The following ITPR3 variants were observed in gnomAD, a reference collection of about 807,000 sequenced individuals.
ITPR3 encodes inositol 1,4,5-trisphosphate-gated calcium channel ITPR3.
A neutral mutation model predicts 293.2 loss-of-function variants in ITPR3; 173 were observed. That is an observed-to-expected ratio of 0.59 (90% confidence interval 0.52 to 0.67). The LOEUF is 0.67. ITPR3 is among the 30% of genes least tolerant of loss of function. The probability of loss-of-function intolerance (pLI) is 0.00; values close to 1 mark genes in which losing one functional copy is unlikely to be tolerated. For missense variants in ITPR3, 2,796 were observed against 3,592.1 expected, an observed-to-expected ratio of 0.78 and a Z score of 5.66; for synonymous variants, 1,295 against 1,444.4, an observed-to-expected ratio of 0.90 and a Z score of 2.35.
intron 2 of ITPR3, among the ~76,000 whole-genome samples, chr6:33,653,863 A>T (rs1764247576): frequency 6.6e-6 from 1 of 152,176 alleles, no homozygotes; most frequent in Non-Finnish European, 1.5e-5. Flanking sequence ...CCTGCCTCTA[A>T]CAAGGCACTG....
intron 1 of ITPR3, among the ~76,000 whole-genome samples, chr6:33,639,752 G>C (rs1375105209): frequency 6.6e-6 from 1 of 152,028 alleles, no homozygotes; most frequent in Non-Finnish European, 1.5e-5. Context: ...ATGGATGATT[G>C]GGGGCTGGGT....
intron 2 of ITPR3, among the ~76,000 whole-genome samples, chr6:33,644,457 G>T (rs1764020502): frequency 6.6e-6 from 1 of 151,846 alleles, no homozygotes; most frequent in Non-Finnish European, 1.5e-5. Context: ...TAACATAGCT[G>T]TAGCCGAAGC....
In ITPR3 at chr6:33,670,738, G is replaced by C. The variant is rs761733168; in HGVS notation, c.2509G>C (p.Val837Leu). 7.8e-5 allele frequency: 126 copies of C among 1,614,056 alleles called. No homozygotes were observed. The highest frequency in any genetic ancestry group is 1.0e-4 in the Non-Finnish European group (122 of 1,180,038). Reference sequence around the variant, plus strand: ...CAAGTTTGCCAACACCATGGAGTTCGTGGAGGACTACCTCAACAATGTAGT... The same window carrying C: ...CAAGTTTGCCAACACCATGGAGTTCCTGGAGGACTACCTCAACAATGTAGT... The part of the protein sequence containing the change: ...KNKFANTMEF[V>L]EDYLNNVVSE... The change falls in exon 20 of 58, where the codon GTG becomes CTG. Residue 837 changes from valine to leucine, a missense_variant. Val to Leu is a conservative substitution (Grantham distance 32). Around this residue, in one of 8 missense-constraint regions of ITPR3, gnomAD observed 955 missense variants for 1,180.8 expected, o/e 0.81. Coordinates refer to ENST00000605930, the MANE Select transcript of ITPR3 (RefSeq NM_002224.4). The surrounding 1 kb of genome is among the most constrained non-coding windows in gnomAD (Gnocchi z 6.7).
In ITPR3 at chr6:33,667,235, T is replaced by G. The variant is rs563727906; in HGVS notation, c.1658T>G (p.Phe553Cys). 1 of 1,613,798 alleles carries G rather than the reference T, an allele frequency of 6.2e-7. No individual in the cohort carries two copies. The highest frequency in any genetic ancestry group is 2.2e-5 in the East Asian group (1 of 44,886). The change falls in exon 15 of 58, where the codon TTC becomes TGC. Residue 553 changes from phenylalanine to cysteine, a missense_variant. This residue lies in a region of ITPR3 where 955 missense variants were observed against 1,180.8 expected (regional missense o/e 0.81). Transcript: ENST00000605930. This position sits in a 1 kb window ranked among gnomAD's most constrained non-coding sequence, Gnocchi z 4.4. The part of the protein sequence containing the change: ...DQKNAPYQHM[F>C]RLCYRVLRHS... Reference sequence around the variant, plus strand: ...AAGAACGCCCCCTACCAGCACATGTTCCGCCTGTGCTACCGCGTGTTGCGG... The same window carrying G: ...AAGAACGCCCCCTACCAGCACATGTGCCGCCTGTGCTACCGCGTGTTGCGG...
In ITPR3 at chr6:33,672,808, C is replaced by T. The variant is rs1435569383; in HGVS notation, c.2928+580C>T. On this transcript the variant is annotated intron_variant, in intron 22 of 57. Transcript: ENST00000605930. This position sits in a 1 kb window ranked among gnomAD's most constrained non-coding sequence, Gnocchi z 5.0. The stretch of plus-strand genomic sequence containing the variant: ...AGGTCACAGGGATTTTGAAGCAGAG[C>T]TAGAGATTTAAGAACCTATTTCTTG... Among the ~76,000 whole-genome samples, 1 of 152,092 alleles carries T rather than the reference C, an allele frequency of 6.6e-6. No homozygotes were observed. Among genetic ancestry groups the T allele is most frequent in the Non-Finnish European group, 1.5e-5 (1 of 68,024 alleles).
At position 33,675,708 on chromosome 6, in the gene ITPR3, T is replaced by C. The variant is rs1764887186; in HGVS notation, c.3134T>C (p.Leu1045Pro). 4 of 1,606,550 alleles carry C rather than the reference T, an allele frequency of 2.5e-6. No individual in the cohort carries two copies. The highest frequency in any genetic ancestry group is 1.7e-5 in the Admixed American group (1 of 59,616). Reference protein sequence around the residue: ...MFGVGKTSSMLEVDDEGGRMF... With the variant: ...MFGVGKTSSMPEVDDEGGRMF... ...GCCCGCAGGAAGACAAGCAGCATGC[T>C]GGAGGTGGATGACGAGGGCGGCCGC... Residue 1045 changes from leucine to proline, a missense_variant, in exon 25 of 58, where the codon CTG becomes CCG. By Grantham distance (98) the Leu-to-Pro change is moderately conservative (BLOSUM62 -3). Coordinates refer to ENST00000605930, the MANE Select transcript of ITPR3 (RefSeq NM_002224.4). This position sits in a 1 kb window ranked among gnomAD's most constrained non-coding sequence, Gnocchi z 5.0.
chr6:33,688,878 A>T (rs1419242193), intron 49 of ITPR3, 97 bp downstream of exon 49: 7 of 1,498,476 alleles, frequency 4.7e-6, no homozygotes, highest in Non-Finnish European at 6.5e-6. Context: ...CTCTGAGGGC[A>T]CCAGATGCAG....
intron 24 of ITPR3, among the ~76,000 whole-genome samples, chr6:33,674,700 T>C (rs1156885601): frequency 6.6e-6 from 1 of 152,230 alleles, no homozygotes; most frequent in African/African-American, 2.4e-5. Context: ...ATGGACTGCT[T>C]TTCAGAATGG....
intron 49 of ITPR3, 147 bp downstream of exon 49, chr6:33,688,928 C>T (rs1241064055): frequency 1.7e-5 from 19 of 1,144,236 alleles, no homozygotes; most frequent in Non-Finnish European, 2.1e-5. Flanking sequence ...TGTGGGCTCT[C>T]GCCCCATCAT....
intron 11 of ITPR3, 116 bp downstream of exon 11, chr6:33,663,996 G>A: frequency 1.5e-6 from 2 of 1,314,584 alleles, no homozygotes; most frequent in Admixed American, 2.1e-5. Flanking sequence ...TTTAGCCTCT[G>A]GGGTCTCTGT....
chr6:33,692,746 C>G lies in ITPR3; in HGVS notation c.7477C>G (p.Arg2493Gly). Residue 2493 changes from arginine to glycine, a missense_variant, in exon 55 of 58, where the codon CGA becomes GGA. Arg to Gly is a moderately radical substitution (Grantham distance 125, BLOSUM62 -2). This residue lies in a region of ITPR3 where 568 missense variants were observed against 796.1 expected (regional missense o/e 0.71). Transcript: ENST00000605930. This position sits in a 1 kb window ranked among gnomAD's most constrained non-coding sequence, Gnocchi z 4.2. ...PSKDESLFPA[R>G]VVYDLLFFFI... is the part of the protein sequence containing the mutation. Reference sequence around the variant, plus strand: ...CCTGCAGGAGTCTCTCTTCCCAGCCCGAGTGGTCTATGACCTCCTGTTCTT... The same window carrying G: ...CCTGCAGGAGTCTCTCTTCCCAGCCGGAGTGGTCTATGACCTCCTGTTCTT... The G allele has an allele frequency of 1.2e-6, 2 of 1,614,050 alleles. No homozygotes were observed. Among genetic ancestry groups the G allele is most frequent in the Non-Finnish European group, 1.7e-6 (2 of 1,179,964 alleles).
chr6:33,685,586 T>C, intron 40 of ITPR3, 53 bp downstream of exon 40: 4 of 1,594,306 alleles, frequency 2.5e-6, no homozygotes, highest in Admixed American at 3.4e-5. Context: ...GGATAAGATG[T>C]GCAGGGGGGT....
chr6:33,659,138 A>G lies in ITPR3; in HGVS notation c.627+19A>G, dbSNP rs762247851. 1 of 1,608,986 alleles carries G rather than the reference A, an allele frequency of 6.2e-7. No individual in the cohort carries two copies. The highest frequency in any genetic ancestry group is 8.5e-7 in the Non-Finnish European group (1 of 1,176,098). On this transcript the variant is annotated intron_variant, in intron 6 of 57. Coordinates refer to ENST00000605930, the MANE Select transcript of ITPR3 (RefSeq NM_002224.4). ...CAAGGAGGTGAGGGGGTGGGGGGTC[A>G]GCCATGCAGTGCAGGGACGTCCACA...
chr6:33,669,186 T>C (rs918297424), intron 18 of ITPR3, 30 bp downstream of exon 18: 2 of 1,602,342 alleles, frequency 1.2e-6, no homozygotes, highest in Non-Finnish European at 1.7e-6. Flanking sequence ...CCCCTCCCTC[T>C]TCCTGTGCCT....
chr6:33,658,836 C>G lies in ITPR3; in HGVS notation c.528+8C>G, dbSNP rs769804541. The G allele has an allele frequency of 6.2e-7, 1 of 1,613,874 alleles. No individual in the cohort carries two copies. The highest frequency in any genetic ancestry group is 1.1e-5 in the South Asian group (1 of 91,044). ...CGGAGCAACGGGGACAACGTGAGGG[C>G]AGGGCCAGGGTTGGAGGGGCCTGGT... On this transcript the variant is annotated splice_region_variant and intron_variant, in intron 5 of 57. Transcript: ENST00000605930. The surrounding 1 kb of genome is among the most constrained non-coding windows in gnomAD (Gnocchi z 6.1).
intron 13 of ITPR3, among the ~76,000 whole-genome samples, chr6:33,665,541 C>A (rs1459482103): frequency 6.6e-6 from 1 of 152,122 alleles, no homozygotes; most frequent in Non-Finnish European, 1.5e-5. Context: ...AATGCAGCCC[C>A]CTTCACACCA....
In ITPR3 at chr6:33,672,357, T is replaced by A; in HGVS notation, c.2928+129T>A. 1.2e-6 allele frequency: 1 copy of A among 800,136 alleles called. No individual in the cohort carries two copies. Among genetic ancestry groups the A allele is most frequent in the South Asian group, 1.8e-5 (1 of 54,882 alleles). The allele number at this position is 800,136 out of a possible 1,614,324, so 49.6% of individuals were successfully genotyped here. A position where few individuals can be genotyped will look rare whatever the true frequency, so the allele number is the denominator to read the frequency against. On this transcript the variant is annotated intron_variant, in intron 22 of 57. Coordinates refer to ENST00000605930, the MANE Select transcript of ITPR3 (RefSeq NM_002224.4). The surrounding 1 kb of genome is among the most constrained non-coding windows in gnomAD (Gnocchi z 5.0). ...TAGTACTGGAAGTCTCCATCGTGAC[T>A]GGCTGTCAGGCCCAGCGGTTCCCAC...
At position 33,680,359 on chromosome 6, in the gene ITPR3, C is replaced by G; in HGVS notation, c.4255C>G (p.His1419Asp). Residue 1419 changes from histidine to aspartate, a missense_variant, in exon 32 of 58, where the codon CAC (histidine) becomes GAC (aspartate). Around this residue, in one of 8 missense-constraint regions of ITPR3, gnomAD observed 344 missense variants for 460.3 expected, o/e 0.75. Coordinates refer to ENST00000605930, the MANE Select transcript of ITPR3 (RefSeq NM_002224.4). ...AATGGCCTATGTGAACTTCGTGAACCACTGCTACGTGGACACGGAGGTGGA... is the reference window on the plus strand; with the variant it reads ...AATGGCCTATGTGAACTTCGTGAACGACTGCTACGTGGACACGGAGGTGGA... Reference protein sequence around the residue: ...VKMAYVNFVNHCYVDTEVEMK... With the variant: ...VKMAYVNFVNDCYVDTEVEMK... 1 of 1,613,818 alleles carries G rather than the reference C, an allele frequency of 6.2e-7. No homozygotes were observed. Among genetic ancestry groups the G allele is most frequent in the South Asian group, 1.1e-5 (1 of 91,076 alleles).
chr6:33,692,303 C>T lies in ITPR3; in HGVS notation c.7458+375C>T, dbSNP rs1406848113. 6.6e-6 allele frequency among the ~76,000 whole-genome samples: 1 copy of T among 152,234 alleles called. No individual in the cohort carries two copies. Among genetic ancestry groups the T allele is most frequent in the Non-Finnish European group, 1.5e-5 (1 of 68,046 alleles). Reference sequence around the variant, plus strand: ...CCGAATGTCAGGCCTTCCCCTGTTGCTTGGGAGTGAGAGGCCGCCTCCCTG... The same window carrying T: ...CCGAATGTCAGGCCTTCCCCTGTTGTTTGGGAGTGAGAGGCCGCCTCCCTG... On this transcript the variant is annotated intron_variant, in intron 54 of 57. Coordinates refer to ENST00000605930, the MANE Select transcript of ITPR3 (RefSeq NM_002224.4). This position sits in a 1 kb window ranked among gnomAD's most constrained non-coding sequence, Gnocchi z 4.2.
Sources: gnomAD v4.1 joint callset for allele counts (sites outside exome capture counted in the v4.1 genomes callset) on GRCh38, gnomAD v4.1.1 for gene constraint, gnomAD v4.1.1 regional missense constraint, Gnocchi (gnomAD v3.1) non-coding constraint, MANE v1.5 for transcripts, NCBI Gene and HGNC (gene_info 2026-07-23, HGNC 2026-07-21) for gene names.